The following GALNT17 variants were observed in gnomAD, a reference collection of about 807,000 sequenced individuals.
GALNT17 encodes the protein polypeptide N-acetylgalactosaminyltransferase 17, also known as UDP-GalNAc:polypeptide N-acetylgalactosaminyltransferase-like 3.
A neutral mutation model predicts 63.7 loss-of-function variants in GALNT17; 29 were observed. The ratio of observed to expected loss-of-function variants is 0.46; its 90% CI spans 0.34 to 0.62. The LOEUF (loss-of-function observed/expected upper bound fraction) is 0.62, where lower values mean the gene tolerates loss of function less well. Among genes scored for constraint, GALNT17 ranks in the 20% least tolerant of loss-of-function variants. The pLI, the probability that GALNT17 is intolerant of heterozygous loss-of-function variation, is 0.01. For missense variants in GALNT17, 603 were observed against 799.6 expected (o/e 0.75, Z 2.97); for synonymous variants, 305 against 318.3 (o/e 0.96, Z 0.45).
intron 5 of GALNT17, among the ~76,000 whole-genome samples, chr7:71,498,982 T>G (rs1176595098): frequency 1.3e-5 from 2 of 152,244 alleles, no homozygotes. Context: ...AAATCTGCAT[T>G]GTGCCAACTC....
chr7:71,187,086 A>C (rs1788863502), intron 1 of GALNT17, among the ~76,000 whole-genome samples: 1 of 152,204 alleles, frequency 6.6e-6, no homozygotes, highest in East Asian at 1.9e-4. Context: ...CAACAAAGAG[A>C]AGACGACTAC....
chr7:71,594,550 G>T (rs374173744), intron 6 of GALNT17, among the ~76,000 whole-genome samples: 2 of 151,988 alleles, frequency 1.3e-5, no homozygotes, highest in East Asian at 3.9e-4. Context: ...TCAGTCTCCC[G>T]AAGTGTTCAT....
At chr7:71,335,005 G>A (rs1791872530) in intron 1 of GALNT17, among the ~76,000 whole-genome samples, 1 of 152,102 alleles carries the variant, frequency 6.6e-6, no homozygotes, top group Non-Finnish European at 1.5e-5. Context: ...GTGAATAATG[G>A]CCCCAGTTCT....
intron 1 of GALNT17, among the ~76,000 whole-genome samples, chr7:71,251,602 G>A (rs1790199067): frequency 6.6e-6 from 1 of 151,998 alleles, no homozygotes; most frequent in Non-Finnish European, 1.5e-5. Context: ...CGTAGAGATG[G>A]GGTCTCACTG....
At chr7:71,162,865 T>G (rs1241704180) in intron 1 of GALNT17, among the ~76,000 whole-genome samples, 1 of 152,170 alleles carries the variant, frequency 6.6e-6, no homozygotes, top group African/African-American at 2.4e-5. Context: ...CTGATTGATG[T>G]GGAGAGGCTT....
chr7:71,480,068 T>C (rs571781603), intron 5 of GALNT17, among the ~76,000 whole-genome samples: 1 of 151,718 alleles, frequency 6.6e-6, no homozygotes, highest in Admixed American at 6.6e-5. Context: ...AAGGCCACAC[T>C]AACCCCAGTT....
chr7:71,403,708 C>T (rs893779594), intron 3 of GALNT17, among the ~76,000 whole-genome samples: 1 of 152,140 alleles, frequency 6.6e-6, no homozygotes, highest in South Asian at 2.1e-4. Context: ...GATGAACTGG[C>T]CGGATGCCTC....
intron 2 of GALNT17, among the ~76,000 whole-genome samples, chr7:71,384,298 G>T (rs774783645): frequency 6.6e-6 from 1 of 152,150 alleles, no homozygotes; most frequent in Non-Finnish European, 1.5e-5. Context: ...TCCCACGTCC[G>T]CATGGTAGGT....
intron 5 of GALNT17, among the ~76,000 whole-genome samples, chr7:71,550,886 T>G (rs1489580474): frequency 1.3e-5 from 2 of 152,168 alleles, no homozygotes; most frequent in Non-Finnish European, 2.9e-5. Context: ...TCTTCTGGCT[T>G]TTTACAAGAT....
At chr7:71,305,505 G>T (rs796651376) in intron 1 of GALNT17, among the ~76,000 whole-genome samples, 36 of 152,288 alleles carry the variant, frequency 2.4e-4, no homozygotes, top group African/African-American at 8.4e-4. Context: ...GTTAGCAGTT[G>T]TTCTTAAAAT....
chr7:71,486,380 AATAAT>A (rs2116658397), intron 5 of GALNT17, among the ~76,000 whole-genome samples: 2 of 133,064 alleles, frequency 1.5e-5, no homozygotes, highest in East Asian at 2.3e-4. Flanking sequence ...TAATAATAAT[AATAAT>A]AATAGTAAAT....
chr7:71,198,674 T>C (rs1202911071), intron 1 of GALNT17, among the ~76,000 whole-genome samples: 1 of 152,186 alleles, frequency 6.6e-6, no homozygotes, highest in Non-Finnish European at 1.5e-5. Context: ...GTACTTAAGA[T>C]TGACAAGCCA....
intron 5 of GALNT17, among the ~76,000 whole-genome samples, chr7:71,521,016 G>A (rs543141988): frequency 6.6e-6 from 1 of 152,322 alleles, no homozygotes; most frequent in East Asian, 1.9e-4. Flanking sequence ...TCTCCAGGTA[G>A]GCGAGGGAGG....
At chr7:71,415,741 A>G in intron 3 of GALNT17, 148 bp from the exon 4 acceptor site, 1 of 860,928 alleles carries the variant, frequency 1.2e-6, no homozygotes, top group South Asian at 2.2e-5. Context: ...TCCTAGACTG[A>G]TGAGATTTTC....
At chr7:71,423,735 C>T (rs1215659272) in intron 5 of GALNT17, among the ~76,000 whole-genome samples, 3 of 151,814 alleles carry the variant, frequency 2.0e-5, no homozygotes, top group African/African-American at 7.3e-5. Flanking sequence ...GCAACATAGC[C>T]AGACTGTGTC....
At chr7:71,226,802 T>C (rs1789687787) in intron 1 of GALNT17, among the ~76,000 whole-genome samples, 1 of 152,004 alleles carries the variant, frequency 6.6e-6, no homozygotes, top group African/African-American at 2.4e-5. Context: ...TTCAAAGCAG[T>C]GGAGTCACAG....
At chr7:71,265,952 GTGTCT>G (rs1264316717) in intron 1 of GALNT17, among the ~76,000 whole-genome samples, 1 of 152,156 alleles carries the variant, frequency 6.6e-6, no homozygotes, top group Non-Finnish European at 1.5e-5. Flanking sequence ...TAAAATCAAG[GTGTCT>G]GCAAGGCTGC....
intron 7 of GALNT17, among the ~76,000 whole-genome samples, chr7:71,666,666 A>G (rs978625418): frequency 1.3e-5 from 2 of 152,136 alleles, no homozygotes; most frequent in African/African-American, 2.4e-5. Flanking sequence ...TTGGTTTTCC[A>G]TTAGAATAAT....
chr7:71,638,371 C>G (rs1790557990), intron 6 of GALNT17, among the ~76,000 whole-genome samples: 1 of 152,144 alleles, frequency 6.6e-6, no homozygotes, highest in Non-Finnish European at 1.5e-5. Flanking sequence ...CCCAGTAGGT[C>G]TCAGCTTTAT....
Sources: gnomAD v4.1 joint callset for allele counts (sites outside exome capture counted in the v4.1 genomes callset) on GRCh38, gnomAD v4.1.1 for gene constraint, MANE v1.5 for transcripts, NCBI Gene and HGNC (gene_info 2026-07-23, HGNC 2026-07-21) for gene names.